The following DGCR6L variants were observed in gnomAD, a reference collection of about 807,000 sequenced individuals.
DGCR6L encodes protein DGCR6L.
DGCR6L carries 24 observed loss-of-function variants against 31.1 expected under a neutral mutation model. The ratio of observed to expected loss-of-function variants is 0.77; its 90% CI spans 0.56 to 1.08. DGCR6L has a LOEUF of 1.08. Ranked by LOEUF, DGCR6L falls within the 50% of genes least tolerant of loss-of-function variation. The probability of loss-of-function intolerance (pLI) is 0.00; values close to 1 mark genes in which losing one functional copy is unlikely to be tolerated. For missense variants in DGCR6L, 218 were observed against 287.1 expected, an observed-to-expected ratio of 0.76 and a Z score of 1.74; for synonymous variants, 104 against 126.1, an observed-to-expected ratio of 0.82 and a Z score of 1.17.
rs762644316 is a variant in DGCR6L, at chr22:20,319,735, T to G, written c.175A>C (p.Thr59Pro). The G allele has an allele frequency of 1.9e-6, 3 of 1,612,932 alleles. No individual in the cohort carries two copies. Among genetic ancestry groups the G allele is most frequent in the Non-Finnish European group, 2.5e-6 (3 of 1,179,618 alleles). Residue 59 changes from threonine to proline, a missense_variant, in exon 2 of 5, where the codon ACC becomes CCC. Physicochemically the swap from Thr to Pro is conservative, Grantham distance 38. Around this residue, in one of 4 missense-constraint regions of DGCR6L, gnomAD observed 5 missense variants for 20.6 expected, o/e 0.24. Coordinates refer to ENST00000248879, the MANE Select transcript of DGCR6L (RefSeq NM_033257.4). ...SDLALALLDG[T>P]VFEIVQGLLE... ...AGCCCCTGCACGATTTCGAACACGG[T>G]GCCGTCGAGAAGCGCCAGGGCCAGG...
Position 20,314,794 on chromosome 22 carries a change from G to A in DGCR6L, c.544C>T (p.Leu182Phe), listed in dbSNP as rs761182237. The change falls in exon 5 of 5, where the codon CTC (leucine) becomes TTC (phenylalanine). Residue 182 changes from leucine to phenylalanine, a missense_variant. Leu to Phe is a conservative substitution (Grantham distance 22). This residue lies in a region of DGCR6L where 58 missense variants were observed against 105.4 expected (regional missense o/e 0.55). Transcript: ENST00000248879. ...CCCCTCTGCTGCAGCTTTCGGATGA[G>A]TTCCAGCAGGTTCATCTGCAGCATC... ...ELMLQMNLLE[L>F]IRKLQQRGCR... The A allele has an allele frequency of 5.2e-5, 84 of 1,611,932 alleles. No homozygotes were observed. In the East Asian group the frequency reaches 1.9e-3, roughly 36 times the overall value.
chr22:20,316,712 G>A (rs1369774021), intron 2 of DGCR6L, among the ~76,000 whole-genome samples: 2 of 152,240 alleles, frequency 1.3e-5, no homozygotes, highest in Non-Finnish European at 2.9e-5. Context: ...GCCCTTCAGG[G>A]TAGACAGCCC....
At chr22:20,317,837 T>C (rs1412374474) in intron 2 of DGCR6L, among the ~76,000 whole-genome samples, 1 of 152,226 alleles carries the variant, frequency 6.6e-6, no homozygotes, top group East Asian at 1.9e-4. Context: ...GTAAACTACA[T>C]ACATCTTACA....
At chr22:20,319,542 C>T (rs1299055526) in intron 2 of DGCR6L, 97 bp downstream of exon 2, 4 of 1,499,394 alleles carry the variant, frequency 2.7e-6, no homozygotes, top group Non-Finnish European at 3.6e-6. Context: ...CTCTTCCGAA[C>T]ACTTCCAAGG....
rs775006870 is a variant in DGCR6L at position 20,315,473 on chromosome 22, C to T, written c.376G>A (p.Val126Met). ...TGCTCCTCACGGATCCGGTGTTCCA[C>T]GGCCTGCCATGGGGCCAGGGCGCGG... ...QAAQQRELEAVEHRIREEQRA... is the reference protein window; with the variant it reads ...QAAQQRELEAMEHRIREEQRA... Residue 126 changes from valine (V) to methionine (M), a missense_variant, in exon 4 of 5, where the codon GTG becomes ATG. This residue lies in a region of DGCR6L where 78 missense variants were observed against 90.0 expected (regional missense o/e 0.87). Transcript: ENST00000248879. The T allele has an allele frequency of 2.0e-5, 33 of 1,613,324 alleles. No individual in the cohort carries two copies. Among genetic ancestry groups the T allele is most frequent in the Non-Finnish European group, 2.5e-5 (30 of 1,179,898 alleles).
chr22:20,319,891 T>C lies in DGCR6L; in HGVS notation c.98A>G (p.Lys33Arg). ...QLLSALQSLV[K>R]ELPSSFQQRL... Reference sequence around the variant, plus strand: ...CCCGCCTGCGTACCTGGGCAACTCCTTCACCAGGCTCTGTAGCGCCGACAG... The same window carrying C: ...CCCGCCTGCGTACCTGGGCAACTCCCTCACCAGGCTCTGTAGCGCCGACAG... The change falls in exon 1 of 5, where the codon AAG (lysine) becomes AGG (arginine). Residue 33 changes from lysine to arginine, a missense_variant. By Grantham distance (26) the Lys-to-Arg change is conservative. This residue lies in a region of DGCR6L where 77 missense variants were observed against 71.2 expected (regional missense o/e 1.08). Coordinates refer to ENST00000248879, the MANE Select transcript of DGCR6L (RefSeq NM_033257.4). 3.1e-6 allele frequency: 5 copies of C among 1,610,286 alleles called. No homozygotes were observed. The highest frequency in any genetic ancestry group is 4.2e-6 in the Non-Finnish European group (5 of 1,178,920).
At position 20,316,113 on chromosome 22, in the gene DGCR6L, C is replaced by A. The variant is rs761714548; in HGVS notation, c.372+6G>T. On this transcript the variant is annotated splice_donor_region_variant and intron_variant, in intron 3 of 4. Transcript: ENST00000248879. ...GGGCCGGCCACCCTGCCTGCGCCCC[C>A]AGTACCTCTAGTTCTCGCTGCTGAG... 7 of 1,606,310 alleles carry A rather than the reference C, an allele frequency of 4.4e-6. No homozygotes were observed. Among genetic ancestry groups the A allele is most frequent in the Non-Finnish European group, 5.9e-6 (7 of 1,177,116 alleles).
chr22:20,314,949 A>G, intron 4 of DGCR6L, 125 bp from the exon 5 acceptor site: 3 of 1,549,420 alleles, frequency 1.9e-6, no homozygotes, highest in Non-Finnish European at 2.6e-6. Context: ...ATGGCCTGCC[A>G]GGACAGGGTG....
intron 2 of DGCR6L, 114 bp from the exon 3 acceptor site, chr22:20,316,333 G>T (rs2051571350): frequency 1.5e-6 from 2 of 1,357,362 alleles, no homozygotes; most frequent in African/African-American, 1.4e-5. Context: ...TGTCTGCAGT[G>T]GGGAGGATGC....
At chr22:20,314,919 C>T (rs2051560451) in intron 4 of DGCR6L, 95 bp from the exon 5 acceptor site, 2 of 1,583,436 alleles carry the variant, frequency 1.3e-6, no homozygotes, top group South Asian at 1.1e-5. Context: ...ACGGGGGCGA[C>T]CATCCTGTGA....
rs555943641 is a variant in DGCR6L, at chr22:20,320,015, G to T, written c.-27C>A. 46 of 1,521,424 alleles carry T rather than the reference G, an allele frequency of 3.0e-5. No homozygotes were observed. In the South Asian group the frequency reaches 5.0e-4, roughly 16 times the overall value. The allele number at this position is 1,521,424 out of a possible 1,614,324, so 94.2% of individuals were successfully genotyped here. A position where few individuals can be genotyped will look rare whatever the true frequency, so the allele number is the denominator to read the frequency against. On this transcript the variant is annotated 5_prime_UTR_variant, in exon 1 of 5. Transcript: ENST00000248879. ...GCGCGGACGCCCGCTAGCCGCCGGCGGCGGCGACGAGCTCCCCCAGCTTCA... is the reference window on the plus strand; with the variant it reads ...GCGCGGACGCCCGCTAGCCGCCGGCTGCGGCGACGAGCTCCCCCAGCTTCA...
In DGCR6L at chr22:20,319,624, G is replaced by A. The variant is rs2051593719; in HGVS notation, c.271+15C>T. 1 of 1,609,786 alleles carries A rather than the reference G, an allele frequency of 6.2e-7. No homozygotes were observed. Among genetic ancestry groups the A allele is most frequent in the Non-Finnish European group, 8.5e-7 (1 of 1,179,274 alleles). On this transcript the variant is annotated intron_variant, in intron 2 of 4. Coordinates refer to ENST00000248879, the MANE Select transcript of DGCR6L (RefSeq NM_033257.4). ...CCCGGAGGAGGCGGCACCTCATCCC[G>A]CTGCCCCCGCGCACCTCGGTGCTCG...
chr22:20,319,899 G>A lies in DGCR6L; in HGVS notation c.90C>T (p.Ser30=), dbSNP rs771405332. ...CGTACCTGGGCAACTCCTTCACCAG[G>A]CTCTGTAGCGCCGACAGCAACTGGT... ...RHYQLLSALQ[S]LVKELPSSFQ... is the part of the protein sequence containing the mutation. The change falls in exon 1 of 5, where the codon AGC becomes AGT. Residue 30 remains serine, a synonymous_variant. Transcript: ENST00000248879. 19 of 1,610,550 alleles carry A rather than the reference G, an allele frequency of 1.2e-5. No individual in the cohort carries two copies. The African/African-American group carries it at 2.4e-4, about 20-fold the overall frequency.
At chr22:20,316,896 C>T (rs1424291526) in intron 2 of DGCR6L, among the ~76,000 whole-genome samples, 6 of 152,214 alleles carry the variant, frequency 3.9e-5, no homozygotes, top group Non-Finnish European at 2.9e-5. Context: ...TGTGCACAAA[C>T]ACAGATGTGT....
intron 2 of DGCR6L, chr22:20,317,983 C>T: frequency 3.6e-6 from 1 of 274,564 alleles, no homozygotes; most frequent in Middle Eastern, 1.4e-3. Context: ...TGGCAAAAAC[C>T]CTGATACCCA....
At position 20,314,633 on chromosome 22, in the gene DGCR6L, G is replaced by A. The variant is rs2051557460; in HGVS notation, c.*42C>T. 6.5e-7 allele frequency: 1 copy of A among 1,541,900 alleles called. No homozygotes were observed. Among genetic ancestry groups the A allele is most frequent in the Non-Finnish European group, 8.8e-7 (1 of 1,140,850 alleles). On this transcript the variant is annotated 3_prime_UTR_variant, in exon 5 of 5. Coordinates refer to ENST00000248879, the MANE Select transcript of DGCR6L (RefSeq NM_033257.4). ...GGCAGCTGGGAAGGCAGTGGCCAAAGGTCAAGAAGATGAACTCTGCCCAGA... is the reference window on the plus strand; with the variant it reads ...GGCAGCTGGGAAGGCAGTGGCCAAAAGTCAAGAAGATGAACTCTGCCCAGA...
rs747765053 is a variant in DGCR6L at position 20,319,869 on chromosome 22, G to A, written c.110+10C>T. On this transcript the variant is annotated intron_variant, in intron 1 of 4. Coordinates refer to ENST00000248879, the MANE Select transcript of DGCR6L (RefSeq NM_033257.4). Reference sequence around the variant, plus strand: ...GCCTCCGCAGGCCTCCGCCCGCCCCGCCTGCGTACCTGGGCAACTCCTTCA... The same window carrying A: ...GCCTCCGCAGGCCTCCGCCCGCCCCACCTGCGTACCTGGGCAACTCCTTCA... The A allele has an allele frequency of 5.0e-6, 8 of 1,606,996 alleles. No individual in the cohort carries two copies. In the African/African-American group the frequency reaches 5.3e-5, roughly 11 times the overall value.
At chr22:20,319,609 G>A (rs1254757053) in intron 2 of DGCR6L, 30 bp downstream of exon 2, 1 of 1,607,252 alleles carries the variant, frequency 6.2e-7, no homozygotes, top group African/African-American at 1.3e-5. Flanking sequence ...CCCGGAGGAG[G>A]CGGCACCTCA....
chr22:20,315,154 T>C (rs2146016354), intron 4 of DGCR6L, 182 bp downstream of exon 4: 1 of 1,447,162 alleles, frequency 6.9e-7, no homozygotes, highest in East Asian at 2.5e-5. Flanking sequence ...TGGCTCACCC[T>C]CCTGTAGGGA....
Sources: gnomAD v4.1 joint callset for allele counts (sites outside exome capture counted in the v4.1 genomes callset) on GRCh38, gnomAD v4.1.1 for gene constraint, gnomAD v4.1.1 regional missense constraint, MANE v1.5 for transcripts, NCBI Gene and HGNC (gene_info 2026-07-23, HGNC 2026-07-21) for gene names.